Variants in SYNJ2BP observed in about 807,000 individuals in gnomAD.
SYNJ2BP encodes the protein synaptojanin 2 binding protein, also known as synaptojanin-2-binding protein.
In SYNJ2BP, 10 loss-of-function variants were observed where a neutral mutation model predicts 16.9. The observed-to-expected ratio is 0.59, with a 90% CI of 0.36 to 1.00. The LOEUF is 1.00. Ranked by LOEUF, SYNJ2BP falls within the 50% of genes least tolerant of loss-of-function variation. The pLI, the probability that SYNJ2BP is intolerant of heterozygous loss-of-function variation, is 0.01. For synonymous variants in SYNJ2BP, 54 were observed against 68.4 expected, an observed-to-expected ratio of 0.79 and a Z score of 1.04; for missense variants, 162 against 186.7, an observed-to-expected ratio of 0.87 and a Z score of 0.77.
chr14:70,389,319 A>G (rs1887928929), intron 1 of SYNJ2BP, among the ~76,000 whole-genome samples: 1 of 150,972 alleles, frequency 6.6e-6, no homozygotes, highest in Non-Finnish European at 1.5e-5. Context: ...CCTTCTCCCA[A>G]GCTTCTGGAG....
In SYNJ2BP at chr14:70,413,364, C is replaced by T. The variant is rs201175098; in HGVS notation, c.64+3536G>A. ...GAAAGTAGTGGTACTTATGGCTGGG[C>T]GGGGTGGCTCACGCCTGTAATCCCA... On this transcript the variant is annotated intron_variant, in intron 1 of 3. Coordinates refer to ENST00000256366, the MANE Select transcript of SYNJ2BP (RefSeq NM_018373.3). Among the ~76,000 whole-genome samples, 10 of 152,230 alleles carry T rather than the reference C, an allele frequency of 6.6e-5. No individual in the cohort carries two copies. In the East Asian group the frequency reaches 9.7e-4, roughly 15 times the overall value.
chr14:70,380,382 G>A (rs1326837589), intron 2 of SYNJ2BP, among the ~76,000 whole-genome samples: 1 of 152,074 alleles, frequency 6.6e-6, no homozygotes, highest in Non-Finnish European at 1.5e-5. Context: ...TAAGAGTTGA[G>A]GCCAGGCATG....
chr14:70,385,506 G>A (rs1038871665), intron 2 of SYNJ2BP, among the ~76,000 whole-genome samples: 3 of 151,778 alleles, frequency 2.0e-5, no homozygotes, highest in Non-Finnish European at 2.9e-5. Flanking sequence ...CTACAGGCGC[G>A]TGCACCAAGG....
intron 1 of SYNJ2BP, among the ~76,000 whole-genome samples, chr14:70,397,226 T>C (rs1594953852): frequency 6.6e-6 from 1 of 152,156 alleles, no homozygotes; most frequent in Non-Finnish European, 1.5e-5. Context: ...ACACCGTATG[T>C]TAAAAATGTG....
At chr14:70,393,872 A>G (rs1888031159) in intron 1 of SYNJ2BP, among the ~76,000 whole-genome samples, 2 of 151,798 alleles carry the variant, frequency 1.3e-5, no homozygotes, top group Non-Finnish European at 2.9e-5. Context: ...TAAAACCTAG[A>G]TAACGGGTTG....
intron 2 of SYNJ2BP, among the ~76,000 whole-genome samples, chr14:70,387,732 G>A (rs1247370414): frequency 1.3e-5 from 2 of 151,792 alleles, no homozygotes; most frequent in African/African-American, 2.4e-5. Context: ...TCAGGAGGCT[G>A]AGGCAGGAGA....
intron 1 of SYNJ2BP, among the ~76,000 whole-genome samples, chr14:70,403,270 CT>C (rs1888278293): frequency 6.6e-6 from 1 of 152,162 alleles, no homozygotes; most frequent in Non-Finnish European, 1.5e-5. Flanking sequence ...GTCTGTATGT[CT>C]CTATGTTTAT....
chr14:70,378,125 T>C (rs11849053), intron 2 of SYNJ2BP, among the ~76,000 whole-genome samples: 11,379 of 152,274 alleles, frequency 0.075, 491 homozygotes, highest in Middle Eastern at 0.12. Context: ...AATTATTCCT[T>C]TCCGGATTTC....
chr14:70,403,888 G>A (rs1259879881), intron 1 of SYNJ2BP, among the ~76,000 whole-genome samples: 1 of 152,128 alleles, frequency 6.6e-6, no homozygotes, highest in Non-Finnish European at 1.5e-5. Context: ...GGCTTTAAAG[G>A]TAAGCACTTA....
intron 1 of SYNJ2BP, among the ~76,000 whole-genome samples, chr14:70,411,862 G>T (rs1359909303): frequency 2.6e-5 from 4 of 152,194 alleles, no homozygotes; most frequent in African/African-American, 9.7e-5. Flanking sequence ...CCTTTGCAGT[G>T]AGATTTAATT....
At chr14:70,400,372 A>T (rs1888209122) in intron 1 of SYNJ2BP, among the ~76,000 whole-genome samples, 1 of 152,256 alleles carries the variant, frequency 6.6e-6, no homozygotes, top group African/African-American at 2.4e-5. Context: ...ATTTTGGAAC[A>T]TACACAAGTA....
Position 70,373,036 on chromosome 14 carries a change from G to C in SYNJ2BP, c.393C>G (p.Thr131=). 1 of 1,614,108 alleles carries C rather than the reference G, an allele frequency of 6.2e-7. No individual in the cohort carries two copies. The highest frequency in any genetic ancestry group is 8.5e-7 in the Non-Finnish European group (1 of 1,180,022). The change falls in exon 4 of 4, where the codon ACC becomes ACG. Residue 131 remains threonine, a synonymous_variant. Coordinates refer to ENST00000256366, the MANE Select transcript of SYNJ2BP (RefSeq NM_018373.3). The stretch of plus-strand genomic sequence containing the variant: ...TCATGAAAGCCCAGGCTGCTACCAT[G>C]GTGAGGGCAAACACTGGCACCAGCA... ...FMVLVPVFAL[T]MVAAWAFMRY...
chr14:70,413,149 G>A (rs571277801), intron 1 of SYNJ2BP, among the ~76,000 whole-genome samples: 2 of 152,226 alleles, frequency 1.3e-5, no homozygotes, highest in East Asian at 1.9e-4. Context: ...AAAACAAAAC[G>A]AAGTTCCAAA....
In SYNJ2BP at chr14:70,372,702, A is replaced by C. The variant is rs1887542512; in HGVS notation, c.*289T>G. Reference sequence around the variant, plus strand: ...ATTGCCTATGGTGACAGGAAGACTCAATCTTTCTCTCTTTGGGTTGTAGCT... The same window carrying C: ...ATTGCCTATGGTGACAGGAAGACTCCATCTTTCTCTCTTTGGGTTGTAGCT... On this transcript the variant is annotated 3_prime_UTR_variant, in exon 4 of 4. Transcript: ENST00000256366. The C allele has an allele frequency of 3.5e-6, 1 of 284,662 alleles. No homozygotes were observed. Among genetic ancestry groups the C allele is most frequent in the Non-Finnish European group, 6.5e-6 (1 of 154,766 alleles). 17.6% of individuals were successfully genotyped at this position (284,662 alleles called of 1,614,324 possible).
chr14:70,387,978 A>T (rs1887897260), intron 2 of SYNJ2BP, among the ~76,000 whole-genome samples: 1 of 152,226 alleles, frequency 6.6e-6, no homozygotes, highest in Non-Finnish European at 1.5e-5. Flanking sequence ...AATCAACTGC[A>T]TTCCAAATTT....
At position 70,371,653 on chromosome 14, in the gene SYNJ2BP, G is replaced by T. The variant is rs1887520884; in HGVS notation, c.*1338C>A. 6.6e-6 allele frequency: 1 copy of T among 152,264 alleles called. No individual in the cohort carries two copies. The highest frequency in any genetic ancestry group is 6.5e-5 in the Admixed American group (1 of 15,286). 9.4% of individuals were successfully genotyped at this position (152,264 alleles called of 1,614,324 possible). ...AGGCTGGTCTTGAACTCCTGACCTT[G>T]TGATCTGCCTGCCTCGGCCTCCCAA... On this transcript the variant is annotated 3_prime_UTR_variant, in exon 4 of 4. Transcript: ENST00000256366.
intron 1 of SYNJ2BP, among the ~76,000 whole-genome samples, chr14:70,393,965 TA>T (rs71105707): frequency 3.5e-4 from 47 of 135,694 alleles, no homozygotes; most frequent in Non-Finnish European, 4.3e-4. Context: ...AACTTAAAAT[TA>T]AAAAAAAAAA....
At chr14:70,389,070 AG>A (rs1178381707) in intron 1 of SYNJ2BP, among the ~76,000 whole-genome samples, 3 of 152,012 alleles carry the variant, frequency 2.0e-5, no homozygotes, top group African/African-American at 7.2e-5. Flanking sequence ...GGCCTCCCAA[AG>A]TTCTAGGATT....
intron 3 of SYNJ2BP, 85 bp downstream of exon 3, chr14:70,375,591 A>G: frequency 6.7e-7 from 1 of 1,492,350 alleles, no homozygotes; most frequent in Non-Finnish European, 9.0e-7. Context: ...ACAAAAAGCA[A>G]CACTGAAGAT....
Sources: gnomAD v4.1 joint callset for allele counts (sites outside exome capture counted in the v4.1 genomes callset) on GRCh38, gnomAD v4.1.1 for gene constraint, MANE v1.5 for transcripts, NCBI Gene and HGNC (gene_info 2026-07-23, HGNC 2026-07-21) for gene names.